Variants in POMP observed in about 807,000 individuals in gnomAD.
POMP encodes the protein proteasome maturation protein.
Under a neutral mutation model 20.6 loss-of-function variants are expected in POMP, and 12 were observed. That is an observed-to-expected ratio of 0.58 (90% CI 0.37 to 0.94). The LOEUF is 0.94. POMP is among the 40% of genes least tolerant of loss of function. The pLI is 0.01. For missense variants in POMP, 136 were observed against 161.1 expected (o/e 0.84, Z 0.84); for synonymous variants, 53 against 55.0 (o/e 0.96, Z 0.16).
intron 1 of POMP, chr13:28,659,838 G>C (rs1460985290): frequency 6.5e-6 from 1 of 152,736 alleles, no homozygotes; most frequent in African/African-American, 2.4e-5. Flanking sequence ...TATTTGAGAA[G>C]AACACTGAGT....
chr13:28,669,209 A>G (rs991269399), intron 4 of POMP, among the ~76,000 whole-genome samples: 1 of 151,284 alleles, frequency 6.6e-6, no homozygotes, highest in African/African-American at 2.4e-5. Context: ...TGCTTTCTAT[A>G]CTCCTTTCCC....
At chr13:28,672,544 C>T (rs1884567539) in intron 5 of POMP, 112 bp downstream of exon 5, 1 of 806,762 alleles carries the variant, frequency 1.2e-6, no homozygotes, top group East Asian at 2.5e-5. Flanking sequence ...TGATTGGGTT[C>T]ACTTTATTCA....
chr13:28,671,147 A>C (rs1221190725), intron 4 of POMP, among the ~76,000 whole-genome samples: 3 of 152,238 alleles, frequency 2.0e-5, no homozygotes, highest in Non-Finnish European at 4.4e-5. Flanking sequence ...AAGCTCTTAA[A>C]AAACATGGTT....
intron 5 of POMP, among the ~76,000 whole-genome samples, chr13:28,675,688 TAC>T (rs1213343751): frequency 4.6e-5 from 7 of 151,732 alleles, no homozygotes; most frequent in Non-Finnish European, 7.4e-5. Context: ...TATAAAGAAA[TAC>T]CTGAAGCTGG....
At chr13:28,671,091 T>A (rs1210411654) in intron 4 of POMP, among the ~76,000 whole-genome samples, 1 of 152,168 alleles carries the variant, frequency 6.6e-6, no homozygotes, top group Non-Finnish European at 1.5e-5. Context: ...TACTATCAAT[T>A]GTATTTGGCT....
intron 3 of POMP, among the ~76,000 whole-genome samples, chr13:28,665,371 G>A (rs1462411864): frequency 2.6e-5 from 4 of 152,138 alleles, no homozygotes; most frequent in Admixed American, 2.6e-4. Flanking sequence ...ATAAGAAAGA[G>A]TAGAACAAAT....
chr13:28,670,675 T>G (rs920539868), intron 4 of POMP, among the ~76,000 whole-genome samples: 35 of 152,354 alleles, frequency 2.3e-4, no homozygotes, highest in African/African-American at 7.7e-4. Flanking sequence ...TTAAGTTCTT[T>G]CACTGTTAGG....
chr13:28,661,630 T>C (rs746582150), intron 1 of POMP, among the ~76,000 whole-genome samples: 4 of 152,326 alleles, frequency 2.6e-5, no homozygotes, highest in Non-Finnish European at 5.9e-5. Flanking sequence ...AATAAGTATC[T>C]GGTGATTGCG....
chr13:28,668,988 T>C (rs891342794), intron 4 of POMP, among the ~76,000 whole-genome samples: 3 of 152,122 alleles, frequency 2.0e-5, no homozygotes, highest in African/African-American at 7.2e-5. Flanking sequence ...TTGGATTCTA[T>C]CCTGTTACAT....
chr13:28,664,655 T>G, intron 3 of POMP, 86 bp downstream of exon 3: 1 of 862,480 alleles, frequency 1.2e-6, no homozygotes, highest in South Asian at 1.6e-5. Flanking sequence ...AAAACAATTT[T>G]GGTACTGAGG....
At position 28,678,129 on chromosome 13, in the gene POMP, G is replaced by A; in HGVS notation, c.*27G>A. On this transcript the variant is annotated 3_prime_UTR_variant, in exon 6 of 6. Coordinates refer to ENST00000380842, the MANE Select transcript of POMP (RefSeq NM_015932.6). ...AGTGTGCTGTTCATGGAAACCGAGG[G>A]CTGCATCTTGTTTATAGTCATCTTT... The A allele has an allele frequency of 6.3e-7, 1 of 1,591,990 alleles. No homozygotes were observed. Among genetic ancestry groups the A allele is most frequent in the South Asian group, 1.1e-5 (1 of 90,626 alleles).
rs779588737 is a variant in POMP at position 28,660,973 on chromosome 13, G to A, written c.4-1437G>A. On this transcript the variant is annotated intron_variant, in intron 1 of 5. Coordinates refer to ENST00000380842, the MANE Select transcript of POMP (RefSeq NM_015932.6). The stretch of plus-strand genomic sequence containing the variant: ...ATAGGCTGGGCTGGAGTGGTATAGT[G>A]AAGAAACCCTGCAAAGGATAAAATA... 3.1e-4 allele frequency among the ~76,000 whole-genome samples: 47 copies of A among 152,250 alleles called. No individual in the cohort carries two copies. In the Middle Eastern group the frequency reaches 0.01, roughly 33 times the overall value.
chr13:28,662,501 G>C lies in POMP; in HGVS notation c.95G>C (p.Arg32Pro). The change falls in exon 2 of 6, where the codon CGG becomes CCG. Residue 32 changes from arginine to proline, a missense_variant. By Grantham distance (103) the Arg-to-Pro change is moderately radical. Coordinates refer to ENST00000380842, the MANE Select transcript of POMP (RefSeq NM_015932.6). ...SGPFESHDLL[R>P]KGFSCVKNEL... ...CCTTTTGAAAGTCATGATCTTCTTC[G>C]GAAAGGGTATATGGGGGAGTTATGA... The C allele has an allele frequency of 1.9e-6, 3 of 1,607,980 alleles. No individual in the cohort carries two copies. Among genetic ancestry groups the C allele is most frequent in the Non-Finnish European group, 2.6e-6 (3 of 1,174,474 alleles).
intron 2 of POMP, 88 bp from the exon 3 acceptor site, chr13:28,664,421 G>A: frequency 1.1e-6 from 1 of 874,068 alleles, no homozygotes; most frequent in Non-Finnish European, 1.8e-6. Flanking sequence ...ACTCTCTCAT[G>A]CCATCCCTTT....
chr13:28,668,631 G>C, intron 4 of POMP, 57 bp downstream of exon 4: 1 of 1,345,242 alleles, frequency 7.4e-7, no homozygotes, highest in Non-Finnish European at 1.1e-6. Context: ...GGAATCTTCT[G>C]TTTTCATAAC....
Position 28,668,472 on chromosome 13 carries a change from G to C in POMP, c.163-1G>C. The C allele has an allele frequency of 6.3e-7, 1 of 1,595,158 alleles. No individual in the cohort carries two copies. The highest frequency in any genetic ancestry group is 8.6e-7 in the Non-Finnish European group (1 of 1,163,064). On this transcript the variant is annotated splice_acceptor_variant, in intron 3 of 5. Transcript: ENST00000380842. LOFTEE classifies it high-confidence loss of function. ...GTTTAAAATTACATTGTCTTTTGTA[G>C]TTCCAGCTCAACCAAGATAAAATGA...
chr13:28,662,316 C>A, intron 1 of POMP, 94 bp from the exon 2 acceptor site: 1 of 881,342 alleles, frequency 1.1e-6, no homozygotes, highest in Non-Finnish European at 1.8e-6. Context: ...TCTTATTTTT[C>A]TGTCTCCTAC....
chr13:28,659,148 T>C lies in POMP; in HGVS notation c.-37T>C. Reference sequence around the variant, plus strand: ...AGTGAGCGGCGGGGTCGACTGACGGTAACGGGGCAGAGAGGCTGTTCGCAG... The same window carrying C: ...AGTGAGCGGCGGGGTCGACTGACGGCAACGGGGCAGAGAGGCTGTTCGCAG... On this transcript the variant is annotated 5_prime_UTR_variant, in exon 1 of 6. Coordinates refer to ENST00000380842, the MANE Select transcript of POMP (RefSeq NM_015932.6). The C allele has an allele frequency of 6.4e-7, 1 of 1,570,700 alleles. No individual in the cohort carries two copies. The highest frequency in any genetic ancestry group is 8.6e-7 in the Non-Finnish European group (1 of 1,159,252).
At chr13:28,670,871 AC>A (rs1884534324) in intron 4 of POMP, among the ~76,000 whole-genome samples, 1 of 152,018 alleles carries the variant, frequency 6.6e-6, no homozygotes, top group Admixed American at 6.6e-5. Context: ...ACATGGTGAA[AC>A]CCCGTCTCTA....
Sources: allele counts gnomAD v4.1 joint callset (sites outside exome capture counted in the v4.1 genomes callset), GRCh38; gene constraint gnomAD v4.1.1; transcripts MANE v1.5; gene names NCBI Gene and HGNC (gene_info 2026-07-23, HGNC 2026-07-21).